Variants in GALNTL6 observed in about 807,000 individuals in gnomAD.
The protein encoded by GALNTL6 is polypeptide N-acetylgalactosaminyltransferase-like 6.
GALNTL6 carries 46 observed loss-of-function variants against 73.7 expected under a neutral mutation model. The ratio of observed to expected loss-of-function variants is 0.62; its 90% CI spans 0.49 to 0.80. GALNTL6 has a LOEUF of 0.80. Among genes scored for constraint, GALNTL6 ranks in the 30% least tolerant of loss-of-function variants. GALNTL6 has a pLI of 0.00. For missense variants in GALNTL6, 604 were observed against 755.0 expected, an observed-to-expected ratio of 0.80 and a Z score of 2.34; for synonymous variants, 259 against 263.7, an observed-to-expected ratio of 0.98 and a Z score of 0.17.
intron 5 of GALNTL6, among the ~76,000 whole-genome samples, chr4:172,514,100 G>A (rs543152190): frequency 7.2e-5 from 11 of 152,262 alleles, no homozygotes; most frequent in African/African-American, 2.6e-4. Context: ...AGGGATACAA[G>A]CTTGCCCTAA....
chr4:172,062,644 A>G (rs1349627896), intron 2 of GALNTL6, among the ~76,000 whole-genome samples: 3 of 152,236 alleles, frequency 2.0e-5, no homozygotes, highest in Non-Finnish European at 4.4e-5. Flanking sequence ...ATTCCAAAAC[A>G]CATTTCAACA....
chr4:172,870,272 G>T (rs1744859898), intron 7 of GALNTL6, among the ~76,000 whole-genome samples: 2 of 151,846 alleles, frequency 1.3e-5, no homozygotes, highest in Admixed American at 6.6e-5. Flanking sequence ...TCAGTATGTT[G>T]CCCAGACAGA....
chr4:172,827,396 C>T (rs1373639974), intron 7 of GALNTL6, among the ~76,000 whole-genome samples: 2 of 152,156 alleles, frequency 1.3e-5, no homozygotes, highest in African/African-American at 2.4e-5. Context: ...TGCCTAACCA[C>T]ACCATGCCAC....
At chr4:172,301,310 C>T (rs1054333922) in intron 3 of GALNTL6, among the ~76,000 whole-genome samples, 2 of 152,104 alleles carry the variant, frequency 1.3e-5, no homozygotes, top group Admixed American at 6.6e-5. Context: ...GCCATGGGTT[C>T]GAACTTCCAC....
intron 2 of GALNTL6, among the ~76,000 whole-genome samples, chr4:172,162,476 G>T (rs1347124914): frequency 1.3e-5 from 2 of 151,690 alleles, no homozygotes; most frequent in African/African-American, 2.4e-5. Flanking sequence ...TAAAAGAGGG[G>T]ACATTTATTT....
rs187335275 is a variant in GALNTL6, at chr4:172,153,477, T to C, written c.139-76179T>C. On this transcript the variant is annotated intron_variant, in intron 2 of 12. Coordinates refer to ENST00000506823, the MANE Select transcript of GALNTL6 (RefSeq NM_001034845.3). ...ATATTCAGTAAATATTTGCAACTTC[T>C]GTTTTGTTTTCATTTAGTTACAAAA... is the stretch of plus-strand genomic sequence containing the variant. Among the ~76,000 whole-genome samples, 298 of 152,344 alleles carry C rather than the reference T, an allele frequency of 2.0e-3. 1 individual carries two copies. The highest frequency in any genetic ancestry group is 6.7e-3 in the African/African-American group (278 of 41,576).
chr4:172,134,415 G>C (rs917215425), intron 2 of GALNTL6, among the ~76,000 whole-genome samples: 2 of 151,452 alleles, frequency 1.3e-5, no homozygotes, highest in Non-Finnish European at 2.9e-5. Context: ...GTGGACATGA[G>C]AAAATGAACT....
intron 5 of GALNTL6, among the ~76,000 whole-genome samples, chr4:172,459,270 A>G (rs1732522230): frequency 6.6e-6 from 1 of 152,258 alleles, no homozygotes; most frequent in Non-Finnish European, 1.5e-5. Flanking sequence ...CTGAACGGGC[A>G]AAAGCTGGAA....
chr4:172,369,802 C>T (rs2111255700), intron 5 of GALNTL6, among the ~76,000 whole-genome samples: 1 of 152,274 alleles, frequency 6.6e-6, no homozygotes, highest in South Asian at 2.1e-4. Context: ...CTGGAACTCG[C>T]ACTTGTGCAC....
At chr4:172,301,407 G>T (rs529142474) in intron 3 of GALNTL6, among the ~76,000 whole-genome samples, 10 of 152,124 alleles carry the variant, frequency 6.6e-5, no homozygotes, top group Admixed American at 2.0e-4. Flanking sequence ...TCCATTGCTC[G>T]TGAGGAGCTA....
At chr4:172,821,196 T>C (rs1326639820) in intron 7 of GALNTL6, among the ~76,000 whole-genome samples, 2 of 152,262 alleles carry the variant, frequency 1.3e-5, no homozygotes, top group Admixed American at 1.3e-4. Flanking sequence ...TGTGGTTTTC[T>C]AATTTTGCAA....
chr4:172,222,665 A>G (rs1275788955), intron 2 of GALNTL6, among the ~76,000 whole-genome samples: 1 of 151,864 alleles, frequency 6.6e-6, no homozygotes, highest in African/African-American at 2.4e-5. Flanking sequence ...GTCTTTAGCT[A>G]TAATGATCTA....
chr4:171,884,399 T>C (rs1736550264), intron 2 of GALNTL6, among the ~76,000 whole-genome samples: 1 of 152,170 alleles, frequency 6.6e-6, no homozygotes, highest in South Asian at 2.1e-4. Context: ...AATAATCTAA[T>C]GTAGTAGATA....
intron 7 of GALNTL6, among the ~76,000 whole-genome samples, chr4:172,822,303 A>T (rs1337666869): frequency 2.0e-5 from 3 of 151,988 alleles, no homozygotes; most frequent in African/African-American, 7.3e-5. Flanking sequence ...CAGCTTCTTG[A>T]ACCACTTTTT....
chr4:172,708,550 C>G (rs1270601751), intron 5 of GALNTL6, among the ~76,000 whole-genome samples: 1 of 152,188 alleles, frequency 6.6e-6, no homozygotes, highest in Admixed American at 6.5e-5. Context: ...GACTCTCCCA[C>G]AGATTCCTTG....
chr4:172,778,997 AC>A (rs1051161582), intron 5 of GALNTL6, among the ~76,000 whole-genome samples: 7 of 151,034 alleles, frequency 4.6e-5, no homozygotes, highest in Admixed American at 2.0e-4. Flanking sequence ...TCTCTCACAC[AC>A]ACACTCCCAT....
intron 2 of GALNTL6, among the ~76,000 whole-genome samples, chr4:171,966,397 G>A (rs62326334): frequency 0.42 from 64,469 of 151,982 alleles, 16,693 homozygotes; most frequent in Non-Finnish European, 0.57. Context: ...GGACATAGCC[G>A]CAGACAGGCC....
At chr4:171,952,378 T>C (rs1253310071) in intron 2 of GALNTL6, among the ~76,000 whole-genome samples, 1 of 151,976 alleles carries the variant, frequency 6.6e-6, no homozygotes, top group Non-Finnish European at 1.5e-5. Flanking sequence ...TTCTCCTTCT[T>C]ATTCAAATGG....
intron 5 of GALNTL6, among the ~76,000 whole-genome samples, chr4:172,651,384 A>T (rs1012433345): frequency 1.3e-5 from 2 of 152,226 alleles, no homozygotes; most frequent in Non-Finnish European, 2.9e-5. Context: ...CAAGTTTCAC[A>T]ATATTACATA....
Sources: allele counts gnomAD v4.1 joint callset (sites outside exome capture counted in the v4.1 genomes callset), GRCh38; gene constraint gnomAD v4.1.1; transcripts MANE v1.5; gene names NCBI Gene and HGNC (gene_info 2026-07-23, HGNC 2026-07-21).